Variants in TTLL5 observed in about 807,000 individuals in gnomAD.
TTLL5 encodes tubulin tyrosine ligase like 5.
TTLL5 carries 132 observed loss-of-function variants against 168.4 expected under a neutral mutation model. That is an observed-to-expected ratio of 0.78 (90% CI 0.68 to 0.91). The LOEUF is 0.91. TTLL5 is among the 40% of genes least tolerant of loss of function. The pLI is 0.00. For synonymous variants in TTLL5, 546 were observed against 558.6 expected, an observed-to-expected ratio of 0.98 and a Z score of 0.32; for missense variants, 1,545 against 1,581.5, an observed-to-expected ratio of 0.98 and a Z score of 0.39.
At chr14:75,798,366 G>A (rs1270919263) in intron 27 of TTLL5, among the ~76,000 whole-genome samples, 1 of 150,866 alleles carries the variant, frequency 6.6e-6, no homozygotes, top group East Asian at 1.9e-4. Flanking sequence ...CTTGCTAGTG[G>A]TCTGTCAATT....
Position 75,925,288 on chromosome 14 carries a change from C to T in TTLL5, c.3823+23064C>T, listed in dbSNP as rs1437915468. 7.0e-4 allele frequency among the ~76,000 whole-genome samples: 107 copies of T among 151,798 alleles called. 2 individuals carry two copies. Among genetic ancestry groups the T allele is most frequent in the African/African-American group, 2.4e-3 (98 of 41,178 alleles). ...GGCTGCCGGGCGGAGGGGCTCCTCA[C>T]TTCTCAGACGGGGCGGTTGCCAGGT... On this transcript the variant is annotated intron_variant, in intron 31 of 31. Transcript: ENST00000298832.
chr14:75,785,471 G>A (rs545269000), intron 26 of TTLL5, among the ~76,000 whole-genome samples: 6 of 152,214 alleles, frequency 3.9e-5, no homozygotes, highest in South Asian at 4.1e-4. Context: ...GAGCCACTGC[G>A]CCCGGCCCCT....
Position 75,675,715 on chromosome 14 carries a change from C to T in TTLL5, c.182-5830C>T, listed in dbSNP as rs546510841. On this transcript the variant is annotated intron_variant, in intron 3 of 31. Coordinates refer to ENST00000298832, the MANE Select transcript of TTLL5 (RefSeq NM_015072.5). ...TACAGTTGCAATCTTCCATTTGACTCTTGTCATGGGAGAGAAAGCCTAGGC... is the reference window on the plus strand; with the variant it reads ...TACAGTTGCAATCTTCCATTTGACTTTTGTCATGGGAGAGAAAGCCTAGGC... 3.3e-5 allele frequency among the ~76,000 whole-genome samples: 5 copies of T among 152,240 alleles called. No homozygotes were observed. In the South Asian group the frequency reaches 6.2e-4, roughly 19 times the overall value.
At chr14:75,887,866 T>C (rs1387247703) in intron 30 of TTLL5, among the ~76,000 whole-genome samples, 1 of 152,164 alleles carries the variant, frequency 6.6e-6, no homozygotes, top group Non-Finnish European at 1.5e-5. Flanking sequence ...GAAAATGAAA[T>C]ACTCAAAAGG....
At chr14:75,769,509 C>T (rs1294511893) in intron 20 of TTLL5, among the ~76,000 whole-genome samples, 4 of 152,116 alleles carry the variant, frequency 2.6e-5, no homozygotes, top group Admixed American at 1.3e-4. Flanking sequence ...AATTAACATT[C>T]GTGACGTTTA....
chr14:75,740,742 C>T (rs568383405), intron 15 of TTLL5, among the ~76,000 whole-genome samples: 19 of 152,202 alleles, frequency 1.2e-4, no homozygotes, highest in Non-Finnish European at 2.4e-4. Context: ...TGTTTTCTTT[C>T]ATTTGATAGC....
At chr14:75,889,190 T>C (rs924388392) in intron 30 of TTLL5, among the ~76,000 whole-genome samples, 3 of 151,936 alleles carry the variant, frequency 2.0e-5, no homozygotes, top group Admixed American at 6.6e-5. Flanking sequence ...TGAATAGAAA[T>C]TGGCCACTGC....
At chr14:75,676,705 GT>G (rs1594852225) in intron 3 of TTLL5, among the ~76,000 whole-genome samples, 2 of 152,052 alleles carry the variant, frequency 1.3e-5, no homozygotes, top group East Asian at 3.8e-4. Flanking sequence ...ACTGAGTGTG[GT>G]GGCAGTTGTA....
intron 29 of TTLL5, among the ~76,000 whole-genome samples, chr14:75,869,810 A>G (rs1311218545): frequency 1.9e-5 from 1 of 53,600 alleles, no homozygotes; most frequent in Non-Finnish European, 4.0e-5. Context: ...CAATGTATAC[A>G]TTCAACAAGT....
Position 75,872,737 on chromosome 14 carries a change from C to T in TTLL5, c.3522+8875C>T, listed in dbSNP as rs550547185. Among the ~76,000 whole-genome samples, 5 of 151,988 alleles carry T rather than the reference C, an allele frequency of 3.3e-5. No individual in the cohort carries two copies. In the South Asian group the frequency reaches 8.3e-4, roughly 25 times the overall value. On this transcript the variant is annotated intron_variant, in intron 29 of 31. Coordinates refer to ENST00000298832, the MANE Select transcript of TTLL5 (RefSeq NM_015072.5). ...CCAGCCTGACCACCGTGGAGAAACC[C>T]CATCTCTACTAAAAATACAAAAAAT...
intron 28 of TTLL5, among the ~76,000 whole-genome samples, chr14:75,832,135 C>G (rs958442356): frequency 1.3e-5 from 2 of 152,162 alleles, no homozygotes; most frequent in Non-Finnish European, 2.9e-5. Flanking sequence ...CCGGATACTG[C>G]TGGTCTCAGA....
chr14:75,730,110 T>G (rs1296223445), intron 12 of TTLL5, among the ~76,000 whole-genome samples: 2 of 152,240 alleles, frequency 1.3e-5, no homozygotes, highest in East Asian at 3.8e-4. Context: ...AATCCTGTGC[T>G]TCAGCTTTTA....
chr14:75,707,769 G>A, intron 9 of TTLL5, 62 bp downstream of exon 9: 1 of 1,329,460 alleles, frequency 7.5e-7, no homozygotes, highest in Non-Finnish European at 1.1e-6. Flanking sequence ...TATATTAAGA[G>A]TGGATCCATT....
intron 27 of TTLL5, among the ~76,000 whole-genome samples, chr14:75,816,974 A>ATTTTTTTTTTTTTTTTTTTT (rs35736530): frequency 2.1e-5 from 2 of 96,086 alleles, no homozygotes; most frequent in Non-Finnish European, 3.8e-5. Flanking sequence ...TCCCTGTCTT[A>ATTTTTTTTTTTTTTTTTTTT]TTTTTTTTTT....
At chr14:75,889,892 TCAGG>T (rs2032313725) in intron 30 of TTLL5, among the ~76,000 whole-genome samples, 1 of 77,282 alleles carries the variant, frequency 1.3e-5, no homozygotes, top group Non-Finnish European at 2.4e-5. Context: ...AGGGAGGAGG[TCAGG>T]CAAAGATATA....
At chr14:75,868,217 G>A (rs2139968455) in intron 29 of TTLL5, among the ~76,000 whole-genome samples, 1 of 152,238 alleles carries the variant, frequency 6.6e-6, no homozygotes. Context: ...CATCCACAGT[G>A]AAAAAGAGCC....
At chr14:75,700,911 C>T (rs913395354) in intron 7 of TTLL5, among the ~76,000 whole-genome samples, 1 of 151,922 alleles carries the variant, frequency 6.6e-6, no homozygotes, top group Non-Finnish European at 1.5e-5. Context: ...TATTCTTCCT[C>T]CTGGATATTT....
At chr14:75,767,493 G>A (rs1033063370) in intron 20 of TTLL5, among the ~76,000 whole-genome samples, 1 of 152,208 alleles carries the variant, frequency 6.6e-6, no homozygotes, top group African/African-American at 2.4e-5. Flanking sequence ...AGTCAGTCGT[G>A]TGAATAGTAG....
chr14:75,837,938 T>C (rs1347062003), intron 28 of TTLL5, among the ~76,000 whole-genome samples: 1 of 152,166 alleles, frequency 6.6e-6, no homozygotes, highest in Non-Finnish European at 1.5e-5. Context: ...GATAGACACT[T>C]GGTTTACTTC....
Sources: allele counts gnomAD v4.1 joint callset (sites outside exome capture counted in the v4.1 genomes callset), GRCh38; gene constraint gnomAD v4.1.1; transcripts MANE v1.5; gene names NCBI Gene and HGNC (gene_info 2026-07-23, HGNC 2026-07-21).